Variants in CCDC7 observed in about 807,000 individuals in gnomAD.
The protein encoded by CCDC7 is coiled-coil domain-containing protein 7.
A neutral mutation model predicts 196.9 loss-of-function variants in CCDC7; 183 were observed. The observed-to-expected ratio is 0.93, with a 90% CI of 0.82 to 1.05. The LOEUF is 1.05. CCDC7 is among the 50% of genes least tolerant of loss of function. The pLI, the probability that CCDC7 is intolerant of heterozygous loss-of-function variation, is 0.00. For synonymous variants in CCDC7, 525 were observed against 484.6 expected (o/e 1.08, Z -1.10); for missense variants, 1,540 against 1,482.2 (o/e 1.04, Z -0.64).
chr10:32,724,866 G>A (rs935587697), intron 25 of CCDC7, among the ~76,000 whole-genome samples: 2 of 152,164 alleles, frequency 1.3e-5, no homozygotes, highest in Admixed American at 6.5e-5. Flanking sequence ...ACATCCCTAC[G>A]GAGATCACAG....
chr10:32,542,765 A>G (rs1384562857), intron 11 of CCDC7, among the ~76,000 whole-genome samples: 2 of 152,128 alleles, frequency 1.3e-5, no homozygotes, highest in African/African-American at 4.8e-5. Flanking sequence ...TCCACTGTGC[A>G]ATAACTCACA....
chr10:32,880,238 G>A (rs180746796), downstream of CCDC7, among the ~76,000 whole-genome samples: 552 of 152,050 alleles, frequency 3.6e-3, 5 homozygotes, highest in African/African-American at 0.013. Context: ...TTTAATAATC[G>A]CCATTCTGAC....
chr10:32,465,109 G>GTT lies in CCDC7; in HGVS notation c.510+2073_510+2074dup, dbSNP rs72519574. Among the ~76,000 whole-genome samples, 19 of 67,360 alleles carry GTT rather than the reference G, an allele frequency of 2.8e-4. No homozygotes were observed. The East Asian group carries it at 5.6e-3, about 20-fold the overall frequency. The allele number at this position is 67,360 out of a possible 152,430, so 44.2% of individuals were successfully genotyped here. A position where few individuals can be genotyped will look rare whatever the true frequency, so the allele number is the denominator to read the frequency against. On this transcript the variant is annotated intron_variant, in intron 5 of 41. Coordinates refer to ENST00000639629, the Ensembl canonical transcript of CCDC7. ...AGACAGTCTTTGAACAATGAAACTAGTTTTTTTTTTTTTTAAAGTATTCAA... is the reference window on the plus strand; with the variant it reads ...AGACAGTCTTTGAACAATGAAACTAGTTTTTTTTTTTTTTTTAAAGTATTCAA...
At chr10:32,732,939 A>T (rs974214742) in intron 28 of CCDC7, among the ~76,000 whole-genome samples, 6 of 152,128 alleles carry the variant, frequency 3.9e-5, no homozygotes, top group African/African-American at 1.4e-4. Flanking sequence ...AATGTATTAT[A>T]GTTCTTTTTT....
At chr10:32,876,253 A>G (rs751932889) in intron 41 of CCDC7, 94 bp from the exon 43 acceptor site, 15 of 886,242 alleles carry the variant, frequency 1.7e-5, no homozygotes, top group Admixed American at 1.0e-4. Flanking sequence ...TTATTCATAC[A>G]TTCTGTTTTC....
downstream of CCDC7, among the ~76,000 whole-genome samples, chr10:32,877,322 A>C (rs1485263573): frequency 6.6e-6 from 1 of 152,118 alleles, no homozygotes; most frequent in East Asian, 1.9e-4. Flanking sequence ...AAAACTGTGA[A>C]AGATCCCAAA....
At chr10:32,731,978 G>A (rs113904888) in intron 28 of CCDC7, among the ~76,000 whole-genome samples, 26 of 152,220 alleles carry the variant, frequency 1.7e-4, no homozygotes, top group African/African-American at 5.8e-4. Context: ...GCTTGAATCC[G>A]TGAAGCGCAG....
chr10:32,814,288 A>T (rs2087873526), intron 30 of CCDC7, 82 bp from the exon 32 acceptor site: 1 of 963,222 alleles, frequency 1.0e-6, no homozygotes, highest in Non-Finnish European at 1.6e-6. Context: ...ACACACACAC[A>T]TATATGTACA....
At chr10:32,522,726 T>C (rs2048057898) in intron 11 of CCDC7, among the ~76,000 whole-genome samples, 1 of 152,174 alleles carries the variant, frequency 6.6e-6, no homozygotes, top group Non-Finnish European at 1.5e-5. Flanking sequence ...GCTGTTACTT[T>C]TCTAGTTTTT....
At chr10:32,473,018 T>C (rs1339236504) in intron 7 of CCDC7, among the ~76,000 whole-genome samples, 1 of 152,242 alleles carries the variant, frequency 6.6e-6, no homozygotes, top group Non-Finnish European at 1.5e-5. Flanking sequence ...TTTGATATTT[T>C]AATAAAAGTT....
In CCDC7 at chr10:32,718,030, T is replaced by A. The variant is rs578219041; in HGVS notation, c.2569+6300T>A. Reference sequence around the variant, plus strand: ...AAGAGGGAATCTTCCCTACTCATTTTATGAGACCAGCAGCATCCTGATACC... The same window carrying A: ...AAGAGGGAATCTTCCCTACTCATTTAATGAGACCAGCAGCATCCTGATACC... On this transcript the variant is annotated intron_variant, in intron 25 of 41. Transcript: ENST00000639629. 4.3e-4 allele frequency among the ~76,000 whole-genome samples: 66 copies of A among 152,306 alleles called. 1 individual carries two copies. The South Asian group carries it at 7.9e-3, about 18-fold the overall frequency.
intron 8 of CCDC7, among the ~76,000 whole-genome samples, chr10:32,481,256 A>C (rs1234318415): frequency 6.6e-6 from 1 of 152,074 alleles, no homozygotes; most frequent in East Asian, 1.9e-4. Flanking sequence ...TTATTCATTC[A>C]GCCCTTCTGT....
chr10:32,683,914 C>T (rs926931416), intron 21 of CCDC7, among the ~76,000 whole-genome samples: 7 of 152,138 alleles, frequency 4.6e-5, no homozygotes, highest in Non-Finnish European at 8.8e-5. Flanking sequence ...CTTTATGGCA[C>T]GTGTTGCATG....
At chr10:32,464,622 A>G (rs1262626468) in intron 5 of CCDC7, among the ~76,000 whole-genome samples, 1 of 151,956 alleles carries the variant, frequency 6.6e-6, no homozygotes, top group Non-Finnish European at 1.5e-5. Context: ...TGATTCTCCA[A>G]CCTTAGCCTC....
At chr10:32,734,960 A>C (rs1449218727) in intron 28 of CCDC7, among the ~76,000 whole-genome samples, 6 of 152,142 alleles carry the variant, frequency 3.9e-5, no homozygotes, top group Non-Finnish European at 7.4e-5. Flanking sequence ...AAATTTTAAA[A>C]AATGCATTTT....
intron 5 of CCDC7, among the ~76,000 whole-genome samples, chr10:32,465,507 T>C (rs1322266510): frequency 6.6e-6 from 1 of 151,930 alleles, no homozygotes; most frequent in Non-Finnish European, 1.5e-5. Context: ...TTTGAAACAC[T>C]AGTCCTTTGG....
chr10:32,708,003 C>T (rs2080099468), intron 24 of CCDC7, among the ~76,000 whole-genome samples: 1 of 151,964 alleles, frequency 6.6e-6, no homozygotes, highest in African/African-American at 2.4e-5. Flanking sequence ...AAAAAGAGCC[C>T]GCATCGCCGA....
chr10:32,658,566 C>A (rs903366256), intron 20 of CCDC7, among the ~76,000 whole-genome samples: 36 of 152,144 alleles, frequency 2.4e-4, no homozygotes, highest in Admixed American at 2.4e-3. Flanking sequence ...ATGGAAACTA[C>A]AATTCAATAT....
intron 18 of CCDC7, among the ~76,000 whole-genome samples, chr10:32,628,570 T>C (rs1352933535): frequency 1.3e-5 from 2 of 152,012 alleles, no homozygotes; most frequent in Non-Finnish European, 2.9e-5. Context: ...CTTCTTTTTC[T>C]AGTTCCCTGA....
Sources: allele counts gnomAD v4.1 joint callset (sites outside exome capture counted in the v4.1 genomes callset), GRCh38; gene constraint gnomAD v4.1.1; transcripts MANE v1.5; gene names NCBI Gene and HGNC (gene_info 2026-07-23, HGNC 2026-07-21).